Variants in PAICS observed in about 807,000 individuals in gnomAD.
The protein encoded by PAICS is bifunctional phosphoribosylaminoimidazole carboxylase/phosphoribosylaminoimidazole succinocarboxamide synthetase.
Under a neutral mutation model 53.7 loss-of-function variants are expected in PAICS, and 33 were observed. The ratio of observed to expected loss-of-function variants is 0.61; its 90% CI spans 0.47 to 0.82. The LOEUF is 0.82. Ranked by LOEUF, PAICS falls within the 40% of genes least tolerant of loss-of-function variation. PAICS has a pLI of 0.00. For synonymous variants in PAICS, 141 were observed against 167.2 expected (o/e 0.84, Z 1.21); for missense variants, 394 against 494.1 (o/e 0.80, Z 1.92).
the PAICS span, chr4:56,421,832 T>TA: frequency 0.19 from 29,227 of 152,042 alleles, 3,147 homozygotes; most frequent in Admixed American, 0.33. Context: ...ATGATTCCAT[T>TA]AGTTATGTCA....
chr4:56,456,246 C>G (rs1245796012), intron 8 of PAICS, among the ~76,000 whole-genome samples: 1 of 152,146 alleles, frequency 6.6e-6, no homozygotes, highest in African/African-American at 2.4e-5. Context: ...TATGCACCAC[C>G]ACGCCTGGCT....
At chr4:56,459,210 C>T (rs114639637) in intron 8 of PAICS, among the ~76,000 whole-genome samples, 162 bp from the exon 9 acceptor site, 102 of 152,200 alleles carry the variant, frequency 6.7e-4, no homozygotes, top group South Asian at 2.1e-3. Flanking sequence ...TTTACCACTC[C>T]GGTATTAAAG....
chr4:56,429,356 G>GA, the PAICS span, among the ~76,000 whole-genome samples: 4 of 151,924 alleles, frequency 2.6e-5, no homozygotes, highest in East Asian at 1.9e-4. Context: ...GATGTAAAAA[G>GA]AAAAAAATCC....
chr4:56,428,696 G>C, the PAICS span, among the ~76,000 whole-genome samples: 1 of 152,062 alleles, frequency 6.6e-6, no homozygotes, highest in Non-Finnish European at 1.5e-5. Context: ...CTTTAAAAAT[G>C]AAATCCTTAC....
chr4:56,437,559 C>G (rs543385278), intron 1 of PAICS, among the ~76,000 whole-genome samples: 1 of 151,774 alleles, frequency 6.6e-6, no homozygotes, highest in South Asian at 2.1e-4. Flanking sequence ...CTGTGGCTCA[C>G]GCCTGTAATC....
chr4:56,464,193 C>T lies in PAICS; in HGVS notation c.*4655C>T, dbSNP rs1719605355. Reference sequence around the variant, plus strand: ...CAGAGCCAATTTCTCATAATCTGTACATATCCTATTGGTTCTGTATTTTTT... The same window carrying T: ...CAGAGCCAATTTCTCATAATCTGTATATATCCTATTGGTTCTGTATTTTTT... On this transcript the variant is annotated 3_prime_UTR_variant, in exon 9 of 9. Transcript: ENST00000512576. The T allele has an allele frequency of 6.6e-6, 1 of 152,192 alleles. No homozygotes were observed. The highest frequency in any genetic ancestry group is 2.1e-4 in the South Asian group (1 of 4,828). 9.4% of individuals were successfully genotyped at this position (152,192 alleles called of 1,614,324 possible).
Position 56,453,569 on chromosome 4 carries a change from G to A in PAICS, c.953-34G>A, listed in dbSNP as rs746450411. ...CCCTGTCTTTAAATCTGTTTTGAAT[G>A]TTTAGCATAATTATACTCTTGTCAT... On this transcript the variant is annotated intron_variant, in intron 7 of 8. Coordinates refer to ENST00000512576, the MANE Select transcript of PAICS (RefSeq NM_001079524.2). The A allele has an allele frequency of 1.1e-5, 15 of 1,388,954 alleles. No homozygotes were observed. The African/African-American group carries it at 1.9e-4, about 17-fold the overall frequency. 86.0% of individuals were successfully genotyped at this position (1,388,954 alleles called of 1,614,324 possible).
the PAICS span, chr4:56,421,681 A>C: frequency 6.6e-6 from 1 of 152,254 alleles, no homozygotes; most frequent in South Asian, 2.1e-4. Context: ...AGAAATCTCA[A>C]AATATTTCGC....
chr4:56,436,253 CTT>C (rs938854203), upstream of PAICS: 91 of 1,567,340 alleles, frequency 5.8e-5, no homozygotes, highest in African/African-American at 1.2e-3. Flanking sequence ...GACCACCCCT[CTT>C]TTCTAGAGTT....
chr4:56,426,857 A>G, the PAICS span, among the ~76,000 whole-genome samples: 1 of 152,132 alleles, frequency 6.6e-6, no homozygotes, highest in Non-Finnish European at 1.5e-5. Flanking sequence ...CTTTTTCATC[A>G]TTCCAAACTG....
intron 8 of PAICS, among the ~76,000 whole-genome samples, chr4:56,457,222 A>C (rs951801721): frequency 6.6e-6 from 1 of 152,028 alleles, no homozygotes; most frequent in Admixed American, 6.6e-5. Flanking sequence ...AGCTCAGCCT[A>C]GGCAACCTGG....
the PAICS span, chr4:56,410,897 G>C: frequency 5.7e-6 from 1 of 175,998 alleles, no homozygotes; most frequent in Non-Finnish European, 6.8e-6. Context: ...GACCACTGAA[G>C]GTAAAAAAAA....
chr4:56,456,202 G>A (rs1232638159), intron 8 of PAICS, among the ~76,000 whole-genome samples: 2 of 151,928 alleles, frequency 1.3e-5, no homozygotes, highest in Admixed American at 6.6e-5. Flanking sequence ...AGCGGTTCTC[G>A]TGCCTCAACC....
chr4:56,429,271 G>C, the PAICS span, among the ~76,000 whole-genome samples: 3 of 152,106 alleles, frequency 2.0e-5, no homozygotes, highest in Non-Finnish European at 4.4e-5. Flanking sequence ...AAACTTGCCC[G>C]GAGTTAGGTA....
the PAICS span, chr4:56,414,105 T>C: frequency 1.3e-5 from 2 of 152,204 alleles, no homozygotes; most frequent in African/African-American, 4.8e-5. Context: ...ATGATTTATT[T>C]GATCTGCAGA....
the PAICS span, among the ~76,000 whole-genome samples, chr4:56,413,062 T>C: frequency 2.6e-5 from 4 of 152,238 alleles, no homozygotes; most frequent in African/African-American, 9.6e-5. Flanking sequence ...TGTCCATTTT[T>C]AGTATTATTA....
the PAICS span, chr4:56,429,034 C>T: frequency 2.6e-6 from 2 of 762,142 alleles, no homozygotes; most frequent in East Asian, 1.3e-4. Flanking sequence ...ACAAGTTCTT[C>T]CACACAGTGG....
chr4:56,432,525 C>CAAAAAAAAA (rs34998854), upstream of PAICS, among the ~76,000 whole-genome samples: 1 of 75,368 alleles, frequency 1.3e-5, no homozygotes, highest in Admixed American at 1.5e-4. Flanking sequence ...GACCCTGTCT[C>CAAAAAAAAA]AAAAAAAAAA....
At position 56,450,712 on chromosome 4, in the gene PAICS, C is replaced by T. The variant is rs2110092182; in HGVS notation, c.771+10C>T. The stretch of plus-strand genomic sequence containing the variant: ...TGCAGAGAGAGTAGAGGTAAACCTT[C>T]TATAGTAAAACTGTATGTATTATGT... On this transcript the variant is annotated intron_variant, in intron 6 of 8. Transcript: ENST00000512576. 7.6e-7 allele frequency: 1 copy of T among 1,315,706 alleles called. No individual in the cohort carries two copies. Among genetic ancestry groups the T allele is most frequent in the East Asian group, 2.5e-5 (1 of 40,222 alleles). 81.5% of individuals were successfully genotyped at this position (1,315,706 alleles called of 1,614,324 possible).
Sources: allele counts gnomAD v4.1 joint callset (sites outside exome capture counted in the v4.1 genomes callset), GRCh38; gene constraint gnomAD v4.1.1; transcripts MANE v1.5; gene names NCBI Gene and HGNC (gene_info 2026-07-23, HGNC 2026-07-21).